Variants in SERPINB8 observed in about 807,000 individuals in gnomAD.
The protein encoded by SERPINB8 is serpin family B member 8.
Under a neutral mutation model 35.3 loss-of-function variants are expected in SERPINB8, and 25 were observed. That is an observed-to-expected ratio of 0.71 (90% confidence interval 0.52 to 0.99). The LOEUF (loss-of-function observed/expected upper bound fraction) is 0.99. SERPINB8 is among the 50% of genes least tolerant of loss of function. The pLI is 0.00. For missense variants in SERPINB8, 484 were observed against 446.5 expected, an observed-to-expected ratio of 1.08 and a Z score of -0.76; for synonymous variants, 186 against 160.8, an observed-to-expected ratio of 1.16 and a Z score of -1.19.
downstream of SERPINB8, among the ~76,000 whole-genome samples, chr18:64,009,234 A>G (rs373345258): frequency 2.0e-5 from 3 of 152,234 alleles, no homozygotes; most frequent in Admixed American, 2.0e-4. Flanking sequence ...TCATTCATAG[A>G]AAGACCTTGA....
downstream of SERPINB8, among the ~76,000 whole-genome samples, chr18:63,993,701 C>T (rs1434576466): frequency 1.3e-5 from 2 of 152,176 alleles, no homozygotes; most frequent in Non-Finnish European, 1.5e-5. Context: ...GTCAAAATCC[C>T]ATATGTGATC....
At chr18:63,991,015 A>G (rs574247750), downstream of SERPINB8, among the ~76,000 whole-genome samples, 1 of 152,368 alleles carries the variant, frequency 6.6e-6, no homozygotes, top group South Asian at 2.1e-4. Flanking sequence ...ATCTTTGTCA[A>G]AAATCAGTTG....
downstream of SERPINB8, among the ~76,000 whole-genome samples, chr18:64,009,540 C>T (rs2050916111): frequency 6.6e-6 from 1 of 152,184 alleles, no homozygotes; most frequent in South Asian, 2.1e-4. Flanking sequence ...GCATAGTTCT[C>T]TTCATATGTG....
Position 63,986,743 on chromosome 18 carries a change from A to G in SERPINB8, c.721-131A>G, listed in dbSNP as rs2050761018. ...AATCTTGGTGTGTTTATAAAAGAAA[A>G]TATCTGTAGATTTTCTTGGACCAGA... On this transcript the variant is annotated intron_variant, in intron 6 of 6. Coordinates refer to ENST00000397985, the MANE Select transcript of SERPINB8 (RefSeq NM_002640.4). 7 of 1,403,288 alleles carry G rather than the reference A, an allele frequency of 5.0e-6. No individual in the cohort carries two copies. The South Asian group carries it at 6.1e-5, about 12-fold the overall frequency. 86.9% of individuals were successfully genotyped at this position (1,403,288 alleles called of 1,614,324 possible). A position where few individuals can be genotyped will look rare whatever the true frequency, so the allele number is the denominator to read the frequency against.
chr18:63,990,138 C>T (rs1472383954), downstream of SERPINB8, among the ~76,000 whole-genome samples: 1 of 146,620 alleles, frequency 6.8e-6, no homozygotes, highest in Non-Finnish European at 1.5e-5. Flanking sequence ...GGCAGGGGCA[C>T]GATCTCGGCT....
chr18:64,000,836 C>A (rs1445855768), intron 1 of SERPINB8, among the ~76,000 whole-genome samples: 1 of 152,222 alleles, frequency 6.6e-6, no homozygotes, highest in Non-Finnish European at 1.5e-5. Flanking sequence ...CCATTTGGCT[C>A]AGTGTCTTAA....
Position 63,987,184 on chromosome 18 carries a change from A to G in SERPINB8, c.1031A>G (p.Glu344Gly), listed in dbSNP as rs1037995144. The stretch of plus-strand genomic sequence containing the variant: ...AGGAATTCCCGGTGCAGCAGAATGG[A>G]GCCAAGATTCTGTGCAGACCACCCT... ...VVRNSRCSRM[E>G]PRFCADHPFL... Residue 344 changes from glutamate to glycine, a missense_variant, in exon 7 of 7, where the codon GAG (glutamate) becomes GGG (glycine). By Grantham distance (98) the Glu-to-Gly change is moderately conservative. Coordinates refer to ENST00000397985, the MANE Select transcript of SERPINB8 (RefSeq NM_002640.4). 13 of 1,614,076 alleles carry G rather than the reference A, an allele frequency of 8.1e-6. No individual in the cohort carries two copies. Among genetic ancestry groups the G allele is most frequent in the African/African-American group, 1.3e-5 (1 of 74,928 alleles).
At chr18:63,981,137 G>T (rs574592303) in intron 3 of SERPINB8, among the ~76,000 whole-genome samples, 1 of 152,218 alleles carries the variant, frequency 6.6e-6, no homozygotes, top group South Asian at 2.1e-4. Flanking sequence ...GCATGCACAC[G>T]TATGAACCCA....
intron 1 of SERPINB8, among the ~76,000 whole-genome samples, chr18:63,997,443 A>G (rs1455986706): frequency 2.0e-5 from 3 of 152,214 alleles, no homozygotes; most frequent in South Asian, 4.1e-4. Flanking sequence ...ATGTCGTCCA[A>G]TGAGCCACTG....
intron 7 of SERPINB8, among the ~76,000 whole-genome samples, chr18:64,018,588 A>G (rs2050961060): frequency 6.6e-6 from 1 of 152,020 alleles, no homozygotes; most frequent in Admixed American, 6.5e-5. Context: ...TCTCATCATC[A>G]TTATGACCAT....
chr18:63,978,534 A>G (rs1434584814), intron 2 of SERPINB8, 58 bp downstream of exon 2: 4 of 1,586,490 alleles, frequency 2.5e-6, no homozygotes, highest in Admixed American at 1.7e-5. Flanking sequence ...GCTTCCATAC[A>G]GCTGTCTTTC....
chr18:63,970,437 C>T (rs1283796315), intron 1 of SERPINB8: 1 of 162,528 alleles, frequency 6.2e-6, no homozygotes, highest in South Asian at 1.4e-4. Flanking sequence ...GGGCCGGGTC[C>T]CGAGAACAGG....
intron 3 of SERPINB8, 105 bp from the exon 4 acceptor site, chr18:63,981,616 T>TCGGTG: frequency 1.3e-6 from 1 of 759,284 alleles, no homozygotes; most frequent in Non-Finnish European, 2.2e-6. Context: ...GAGTGTGACC[T>TCGGTG]GTCCAAGCAC....
chr18:63,987,043 C>T lies in SERPINB8; in HGVS notation c.890C>T (p.Ala297Val), dbSNP rs779449233. Residue 297 changes from alanine to valine, a missense_variant, in exon 7 of 7, where the codon GCA becomes GTA. Physicochemically the swap from Ala to Val is moderately conservative, Grantham distance 64. Coordinates refer to ENST00000397985, the MANE Select transcript of SERPINB8 (RefSeq NM_002640.4). The part of the protein sequence containing the change: ...GMIDAFDEAK[A>V]DFSGMSTEKN... ...ATCGATGCTTTTGACGAAGCCAAGG[C>T]AGACTTTTCTGGAATGTCAACTGAG... 33 of 1,614,066 alleles carry T rather than the reference C, an allele frequency of 2.0e-5. No individual in the cohort carries two copies. Among genetic ancestry groups the T allele is most frequent in the Non-Finnish European group, 2.5e-6 (3 of 1,180,044 alleles).
At chr18:63,975,910 C>G (rs970347328) in intron 1 of SERPINB8, among the ~76,000 whole-genome samples, 1 of 152,132 alleles carries the variant, frequency 6.6e-6, no homozygotes, top group African/African-American at 2.4e-5. Context: ...AAGACCTGTC[C>G]AAGACCCCCA....
chr18:64,018,364 C>T (rs768465201), intron 7 of SERPINB8, among the ~76,000 whole-genome samples: 5 of 152,006 alleles, frequency 3.3e-5, no homozygotes, highest in African/African-American at 1.2e-4. Context: ...AGAAGGAAAC[C>T]CTTAAAAGTG....
intron 1 of SERPINB8, among the ~76,000 whole-genome samples, chr18:63,974,662 A>G (rs55665625): frequency 0.058 from 8,884 of 152,290 alleles, 374 homozygotes; most frequent in Non-Finnish European, 0.091. Flanking sequence ...ATTATTTTGT[A>G]TTAAAATTAA....
chr18:64,004,586 A>G lies in SERPINB8; in HGVS notation c.71-233A>G, dbSNP rs561181394. 2.2e-4 allele frequency among the ~76,000 whole-genome samples: 34 copies of G among 152,322 alleles called. No individual in the cohort carries two copies. The South Asian group carries it at 4.1e-3, about 19-fold the overall frequency. On this transcript the variant is annotated intron_variant, in intron 1 of 1. Coordinates refer to the SERPINB8 transcript ENST00000493661. ...TATGATAAGATCACTTTTAAGAGCT[A>G]TGTATATTATTTTAAATAAAAAGTA...
chr18:63,987,129 A>C lies in SERPINB8; in HGVS notation c.976A>C (p.Thr326Pro). 6.2e-7 allele frequency: 1 copy of C among 1,614,182 alleles called. No individual in the cohort carries two copies. The highest frequency in any genetic ancestry group is 8.5e-7 in the Non-Finnish European group (1 of 1,180,034). The change falls in exon 7 of 7, where the codon ACA becomes CCA. Residue 326 changes from threonine (T) to proline (P), a missense_variant. Physicochemically the swap from Thr to Pro is conservative, Grantham distance 38. Transcript: ENST00000397985. ...CTTCGTGGAGGTCAATGAGGAAGGC[A>C]CAGAGGCTGCCGCAGCCACTGCTGT... ...KCFVEVNEEG[T>P]EAAAATAVVR...
Sources: gnomAD v4.1 joint callset for allele counts (sites outside exome capture counted in the v4.1 genomes callset) on GRCh38, gnomAD v4.1.1 for gene constraint, MANE v1.5 for transcripts, NCBI Gene and HGNC (gene_info 2026-07-23, HGNC 2026-07-21) for gene names.